COBL: variants seen among roughly 807,000 people sequenced by gnomAD.
The protein encoded by COBL is protein cordon-bleu.
Under a neutral mutation model 98.8 loss-of-function variants are expected in COBL, and 51 were observed. The observed-to-expected ratio is 0.52, with a 90% CI of 0.41 to 0.65. COBL has a LOEUF of 0.65. COBL is among the 30% of genes least tolerant of loss of function. The pLI is 0.00. For synonymous variants in COBL, 634 were observed against 651.7 expected (o/e 0.97, Z 0.41); for missense variants, 1,617 against 1,617.5 (o/e 1.00, Z 0.01).
At chr7:51,118,905 G>A (rs1270627387) in intron 6 of COBL, among the ~76,000 whole-genome samples, 1 of 152,150 alleles carries the variant, frequency 6.6e-6, no homozygotes, top group Non-Finnish European at 1.5e-5. Context: ...TCTGCAAATC[G>A]ATGCTGTCCA....
chr7:51,299,638 A>C (rs1801734211), intron 1 of COBL, among the ~76,000 whole-genome samples: 1 of 152,186 alleles, frequency 6.6e-6, no homozygotes, highest in Non-Finnish European at 1.5e-5. Flanking sequence ...AAGAGCTGAA[A>C]TGGTGCTGAG....
At chr7:51,236,904 A>G (rs889138736) in intron 1 of COBL, among the ~76,000 whole-genome samples, 1 of 152,150 alleles carries the variant, frequency 6.6e-6, no homozygotes, top group Non-Finnish European at 1.5e-5. Flanking sequence ...GCAGGAACTC[A>G]GGGGGTCAAC....
intron 7 of COBL, among the ~76,000 whole-genome samples, chr7:51,057,130 T>C (rs542612950): frequency 7.2e-5 from 11 of 152,280 alleles, no homozygotes; most frequent in Admixed American, 3.3e-4. Flanking sequence ...GTCTCAAGGT[T>C]GCAGAGATTG....
intron 6 of COBL, among the ~76,000 whole-genome samples, chr7:51,107,547 A>T (rs1796425388): frequency 6.6e-6 from 1 of 152,230 alleles, no homozygotes; most frequent in South Asian, 2.1e-4. Context: ...AAATTGTTTT[A>T]GCTAGAAATA....
intron 5 of COBL, among the ~76,000 whole-genome samples, chr7:51,161,348 T>C (rs13241148): frequency 2.0e-5 from 3 of 152,250 alleles, no homozygotes; most frequent in African/African-American, 7.2e-5. Flanking sequence ...GCTGAAATTA[T>C]GGAGTTTCCT....
At chr7:51,081,736 A>T (rs958837603) in intron 7 of COBL, among the ~76,000 whole-genome samples, 1 of 152,082 alleles carries the variant, frequency 6.6e-6, no homozygotes, top group Non-Finnish European at 1.5e-5. Context: ...TATAGCTTTC[A>T]TCCAGCTATC....
At chr7:51,080,707 T>C (rs931028078) in intron 7 of COBL, among the ~76,000 whole-genome samples, 1 of 152,156 alleles carries the variant, frequency 6.6e-6, no homozygotes, top group Admixed American at 6.5e-5. Flanking sequence ...GATAGGCAAG[T>C]GCTTGTAGCT....
chr7:51,127,905 C>A (rs1343908726), intron 6 of COBL, among the ~76,000 whole-genome samples: 2 of 152,180 alleles, frequency 1.3e-5, no homozygotes, highest in African/African-American at 4.8e-5. Flanking sequence ...GACACTATAA[C>A]ATTAAAAGGA....
chr7:51,210,180 TC>T (rs1792276011), intron 2 of COBL, among the ~76,000 whole-genome samples: 1 of 152,180 alleles, frequency 6.6e-6, no homozygotes, highest in Admixed American at 6.5e-5. Flanking sequence ...TGAAGGCAGC[TC>T]TGCCCAGCAA....
At chr7:51,083,095 T>G (rs933782869) in intron 7 of COBL, 1 of 1,533,568 alleles carries the variant, frequency 6.5e-7, no homozygotes, top group Non-Finnish European at 8.7e-7. Context: ...AACCAGCGCC[T>G]TCCCCGGGAA....
intron 1 of COBL, among the ~76,000 whole-genome samples, chr7:51,313,744 AC>A (rs1447806146): frequency 6.6e-6 from 1 of 152,246 alleles, no homozygotes; most frequent in African/African-American, 2.4e-5. Context: ...GTAACAGCCG[AC>A]TACTGGGATG....
At chr7:51,094,160 T>A (rs1795073460) in intron 6 of COBL, among the ~76,000 whole-genome samples, 1 of 151,984 alleles carries the variant, frequency 6.6e-6, no homozygotes, top group African/African-American at 2.4e-5. Flanking sequence ...CTCACTTATA[T>A]GTGGAATCTA....
chr7:51,279,439 T>C (rs1297361649), intron 1 of COBL, among the ~76,000 whole-genome samples: 1 of 152,044 alleles, frequency 6.6e-6, no homozygotes, highest in East Asian at 1.9e-4. Context: ...TATTTTAATA[T>C]GAAATCAACT....
intron 4 of COBL, among the ~76,000 whole-genome samples, chr7:51,186,603 G>A (rs144960765): frequency 9.2e-4 from 140 of 152,304 alleles, no homozygotes; most frequent in Non-Finnish European, 1.7e-3. Flanking sequence ...GGACAGCCCC[G>A]GCACCAGAAT....
chr7:51,024,938 T>C (rs1388989597), intron 12 of COBL, among the ~76,000 whole-genome samples, 171 bp downstream of exon 12: 1 of 152,154 alleles, frequency 6.6e-6, no homozygotes, highest in East Asian at 1.9e-4. Flanking sequence ...GGAGCCTTCA[T>C]CTGCCACTCT....
intron 1 of COBL, among the ~76,000 whole-genome samples, chr7:51,293,944 A>G (rs942332483): frequency 1.3e-5 from 2 of 152,084 alleles, no homozygotes; most frequent in Non-Finnish European, 1.5e-5. Context: ...CTCCCAGTAT[A>G]TAAGTGACAG....
chr7:51,101,653 T>C (rs994659651), intron 6 of COBL, among the ~76,000 whole-genome samples: 1 of 152,222 alleles, frequency 6.6e-6, no homozygotes, highest in African/African-American at 2.4e-5. Context: ...CTAAAGCCCA[T>C]GGATTTCTCA....
chr7:51,124,145 G>C (rs773351940), intron 6 of COBL, among the ~76,000 whole-genome samples: 1 of 152,194 alleles, frequency 6.6e-6, no homozygotes, highest in African/African-American at 2.4e-5. Flanking sequence ...TGCCTGGGAT[G>C]CAAGAAGAAC....
Position 51,030,924 on chromosome 7 carries a change from AG to A in COBL, c.1407-16del, listed in dbSNP as rs758488898. The A allele has an allele frequency of 2.1e-5, 31 of 1,498,224 alleles. 1 individual carries two copies. The South Asian group carries it at 3.2e-4, about 15-fold the overall frequency. The allele number at this position is 1,498,224 out of a possible 1,614,324, so 92.8% of individuals were successfully genotyped here. A position where few individuals can be genotyped will look rare whatever the true frequency, so the allele number is the denominator to read the frequency against. ...CTTTTTCAGTTCTAGGGAAGACCAAAGAGAAAGGAGCACTCATTTCTCTTAC... is the reference window on the plus strand; with the variant it reads ...CTTTTTCAGTTCTAGGGAAGACCAAAAGAAAGGAGCACTCATTTCTCTTAC... On this transcript the variant is annotated splice_polypyrimidine_tract_variant and intron_variant, in intron 8 of 12. Transcript: ENST00000265136.
Sources: gnomAD v4.1 joint callset for allele counts (sites outside exome capture counted in the v4.1 genomes callset) on GRCh38, gnomAD v4.1.1 for gene constraint, MANE v1.5 for transcripts, NCBI Gene and HGNC (gene_info 2026-07-23, HGNC 2026-07-21) for gene names.